The following ARHGEF38 variants were observed in gnomAD, a reference collection of about 807,000 sequenced individuals.
ARHGEF38 encodes Rho guanine nucleotide exchange factor (GEF) 38.
In ARHGEF38, 79 loss-of-function variants were observed where a neutral mutation model predicts 79.9. That is an observed-to-expected ratio of 0.99 (90% CI 0.82 to 1.19). The LOEUF is 1.19. Among genes scored for constraint, ARHGEF38 ranks in the 50% most tolerant of loss-of-function variants. The pLI is 0.00. For missense variants in ARHGEF38, 962 were observed against 907.2 expected, an observed-to-expected ratio of 1.06 and a Z score of -0.78; for synonymous variants, 366 against 328.3, an observed-to-expected ratio of 1.11 and a Z score of -1.24.
intron 5 of ARHGEF38, among the ~76,000 whole-genome samples, chr4:105,644,440 G>A (rs1729752717): frequency 6.6e-6 from 1 of 152,182 alleles, no homozygotes; most frequent in Admixed American, 6.5e-5. Context: ...GCATGACCAA[G>A]CTTGTAGCTT....
At chr4:105,554,675 G>A (rs980747238) in intron 1 of ARHGEF38, among the ~76,000 whole-genome samples, 10 of 152,098 alleles carry the variant, frequency 6.6e-5, no homozygotes, top group Non-Finnish European at 7.4e-5. Context: ...AAATATCTGA[G>A]CCTCAATTTT....
At chr4:105,574,849 T>A (rs943890322) in intron 1 of ARHGEF38, among the ~76,000 whole-genome samples, 3 of 150,860 alleles carry the variant, frequency 2.0e-5, no homozygotes, top group African/African-American at 7.3e-5. Context: ...GTATCCAACA[T>A]GTAGTTTTGT....
rs1342007147 is a variant in ARHGEF38 at position 105,655,669 on chromosome 4, G to A, written c.1180G>A (p.Glu394Lys). Residue 394 changes from glutamate (E) to lysine (K), a missense_variant, in exon 9 of 14, where the codon GAG (glutamate) becomes AAG (lysine). Coordinates refer to ENST00000420470, the MANE Select transcript of ARHGEF38 (RefSeq NM_001242729.2). The part of the protein sequence containing the change: ...LQEISYNKDD[E>K]MDYSETLSNA... The stretch of plus-strand genomic sequence containing the variant: ...GGAGATTTCATACAACAAAGACGAT[G>A]AGATGGACTATTCTGAGACCCTAAG... The A allele has an allele frequency of 6.5e-7, 1 of 1,535,732 alleles. No homozygotes were observed. Among genetic ancestry groups the A allele is most frequent in the Non-Finnish European group, 8.7e-7 (1 of 1,146,704 alleles).
intron 10 of ARHGEF38, among the ~76,000 whole-genome samples, chr4:105,664,795 A>T (rs1002814734): frequency 3.3e-5 from 5 of 152,184 alleles, no homozygotes; most frequent in African/African-American, 1.2e-4. Flanking sequence ...GAGCAGTCAT[A>T]GCAATGTGTA....
In ARHGEF38 at chr4:105,679,400, A is replaced by G. The variant is rs1187416609; in HGVS notation, c.*1463A>G. On this transcript the variant is annotated 3_prime_UTR_variant, in exon 14 of 14. Transcript: ENST00000420470. ...TGGTAATCTGAGACACTGCATTACT[A>G]TTCAGCTTTCTAAGTTCTTTCCAAG... 2 of 1,473,230 alleles carry G rather than the reference A, an allele frequency of 1.4e-6. No homozygotes were observed. The highest frequency in any genetic ancestry group is 1.9e-6 in the Non-Finnish European group (2 of 1,054,344). 91.3% of individuals were successfully genotyped at this position (1,473,230 alleles called of 1,614,324 possible).
chr4:105,677,780 C>T lies in ARHGEF38; in HGVS notation c.2177C>T (p.Ala726Val). The T allele has an allele frequency of 6.6e-7, 1 of 1,518,174 alleles. No homozygotes were observed. Among genetic ancestry groups the T allele is most frequent in the Non-Finnish European group, 8.8e-7 (1 of 1,135,114 alleles). 94.0% of individuals were successfully genotyped at this position (1,518,174 alleles called of 1,614,324 possible). A position where few individuals can be genotyped will look rare whatever the true frequency, so the allele number is the denominator to read the frequency against. ...QIFYAVHAFQ[A>V]RSDHELSLQE... is the part of the protein sequence containing the mutation. ...TTCTATGCAGTTCATGCTTTTCAAG[C>T]ACGGAGTGACCATGAACTCAGCCTT... is the stretch of plus-strand genomic sequence containing the variant. Residue 726 changes from alanine (A) to valine (V), a missense_variant, in exon 14 of 14, where the codon GCA becomes GTA. By Grantham distance (64) the Ala-to-Val change is moderately conservative. Transcript: ENST00000420470.
chr4:105,599,912 G>T (rs550817298), intron 2 of ARHGEF38, among the ~76,000 whole-genome samples: 9 of 152,216 alleles, frequency 5.9e-5, no homozygotes, highest in South Asian at 2.1e-4. Context: ...AGAATCCCTT[G>T]TGAGAGGCCT....
intron 1 of ARHGEF38, chr4:105,570,153 C>T (rs555902062): frequency 6.6e-6 from 1 of 152,264 alleles, no homozygotes; most frequent in East Asian, 1.9e-4. Context: ...CATACATTCA[C>T]TGTATTCAGT....
intron 7 of ARHGEF38, among the ~76,000 whole-genome samples, chr4:105,652,100 AG>A (rs1384406215): frequency 6.6e-6 from 1 of 152,226 alleles, no homozygotes; most frequent in Non-Finnish European, 1.5e-5. Flanking sequence ...AGTCTCTAGC[AG>A]GGCAGCCAAG....
chr4:105,618,548 G>C (rs752761502), intron 3 of ARHGEF38, among the ~76,000 whole-genome samples: 29 of 152,190 alleles, frequency 1.9e-4, no homozygotes, highest in Admixed American at 3.9e-4. Context: ...TTGAACCCAG[G>C]AGGTAGAAGT....
chr4:105,638,193 T>C (rs10033909), intron 5 of ARHGEF38, among the ~76,000 whole-genome samples: 4,141 of 152,296 alleles, frequency 0.027, 169 homozygotes, highest in African/African-American at 0.092. Context: ...CCCTCACTTA[T>C]GGCAATCAAA....
chr4:105,657,422 T>C (rs1011266473), intron 9 of ARHGEF38, among the ~76,000 whole-genome samples: 1 of 152,152 alleles, frequency 6.6e-6, no homozygotes, highest in African/African-American at 2.4e-5. Context: ...TTTTTAAAAA[T>C]CAAATATTAA....
rs557032936 is a variant in ARHGEF38, at chr4:105,653,511, C to T, written c.1009-554C>T. On this transcript the variant is annotated intron_variant, in intron 7 of 13. Coordinates refer to ENST00000420470, the MANE Select transcript of ARHGEF38 (RefSeq NM_001242729.2). ...CTACTTTATGTATGTTTAGTAGATA[C>T]GGGGTTTCACCATATTGGCCAGGCT... Among the ~76,000 whole-genome samples, 224 of 152,046 alleles carry T rather than the reference C, an allele frequency of 1.5e-3. 3 individuals carry two copies. In the South Asian group the frequency reaches 0.019, roughly 13 times the overall value.
At chr4:105,661,283 G>A (rs920938110) in intron 10 of ARHGEF38, among the ~76,000 whole-genome samples, 12 of 151,954 alleles carry the variant, frequency 7.9e-5, no homozygotes, top group Admixed American at 3.9e-4. Context: ...TAATGCTTCT[G>A]TAAACATTCA....
Position 105,589,412 on chromosome 4 carries a change from G to T in ARHGEF38, c.361G>T (p.Val121Phe). ...NDLELCVREV[V>F]QPLRNKKTDR... ...TCTAGAGCTGTGTGTTAGGGAAGTG[G>T]TTCAGCCCCTGAGAAATAAAAAGGT... The change falls in exon 2 of 14, where the codon GTT becomes TTT. Residue 121 changes from valine (V) to phenylalanine (F), a missense_variant. By Grantham distance (50) the Val-to-Phe change is conservative (BLOSUM62 -1). Coordinates refer to ENST00000420470, the MANE Select transcript of ARHGEF38 (RefSeq NM_001242729.2). 1.9e-6 allele frequency: 3 copies of T among 1,608,852 alleles called. No individual in the cohort carries two copies. The highest frequency in any genetic ancestry group is 1.7e-6 in the Non-Finnish European group (2 of 1,178,662).
rs561133644 is a variant in ARHGEF38, at chr4:105,568,399, A to C, written c.196+15438A>C. On this transcript the variant is annotated intron_variant, in intron 1 of 13. Transcript: ENST00000420470. ...ACTTTTACACTGTTGGTGGGACTGT[A>C]AACTAGTTCAACCATTGTGGAAGTC... Among the ~76,000 whole-genome samples, 67 of 151,784 alleles carry C rather than the reference A, an allele frequency of 4.4e-4. 1 individual carries two copies. The highest frequency in any genetic ancestry group is 1.3e-3 in the Admixed American group (20 of 15,250).
intron 3 of ARHGEF38, among the ~76,000 whole-genome samples, chr4:105,622,611 G>A (rs370347091): frequency 2.4e-4 from 36 of 152,222 alleles, no homozygotes; most frequent in African/African-American, 8.2e-4. Flanking sequence ...TTTTTCTCAC[G>A]TCACAAGAAA....
At chr4:105,564,214 T>C (rs1725776057) in intron 1 of ARHGEF38, among the ~76,000 whole-genome samples, 1 of 152,222 alleles carries the variant, frequency 6.6e-6, no homozygotes, top group Admixed American at 6.5e-5. Flanking sequence ...TCAGTATTGC[T>C]CTTTGAAAAT....
Position 105,679,824 on chromosome 4 carries a change from A to C in ARHGEF38, c.*1887A>C, listed in dbSNP as rs1356567819. On this transcript the variant is annotated 3_prime_UTR_variant, in exon 14 of 14. Coordinates refer to ENST00000420470, the MANE Select transcript of ARHGEF38 (RefSeq NM_001242729.2). The stretch of plus-strand genomic sequence containing the variant: ...ACGCATCCAGAGAGATGGATATAGG[A>C]CTCAATATCCTGAGGAGGAGAACTT... 5 of 1,242,312 alleles carry C rather than the reference A, an allele frequency of 4.0e-6. No homozygotes were observed. Among genetic ancestry groups the C allele is most frequent in the Non-Finnish European group, 5.9e-6 (5 of 847,014 alleles). The allele number at this position is 1,242,312 out of a possible 1,614,324, so 77.0% of individuals were successfully genotyped here.
Sources: gnomAD v4.1 joint callset for allele counts (sites outside exome capture counted in the v4.1 genomes callset) on GRCh38, gnomAD v4.1.1 for gene constraint, MANE v1.5 for transcripts, NCBI Gene and HGNC (gene_info 2026-07-23, HGNC 2026-07-21) for gene names.